The following MET variants were observed in gnomAD, a reference collection of about 807,000 sequenced individuals.
MET encodes MET proto-oncogene, receptor tyrosine kinase, also known as hepatocyte growth factor receptor.
In MET, 48 loss-of-function variants were observed where a neutral mutation model predicts 133.1. That is an observed-to-expected ratio of 0.36 (90% CI 0.29 to 0.46). The LOEUF (loss-of-function observed/expected upper bound fraction) is 0.46, where lower values mean the gene tolerates loss of function less well. MET is among the 20% of genes least tolerant of loss of function. The pLI, the probability that MET is intolerant of heterozygous loss-of-function variation, is 1.00. For synonymous variants in MET, 628 were observed against 616.5 expected, an observed-to-expected ratio of 1.02 and a Z score of -0.28; for missense variants, 1,442 against 1,695.9, an observed-to-expected ratio of 0.85 and a Z score of 2.63.
chr7:116,707,023 C>T (rs554314432), intron 2 of MET, among the ~76,000 whole-genome samples: 3 of 151,530 alleles, frequency 2.0e-5, no homozygotes, highest in Admixed American at 1.3e-4. Context: ...GAATTACTTG[C>T]TGAGCCATGT....
chr7:116,758,370 G>T (rs2116928749), intron 8 of MET, 89 bp from the exon 9 acceptor site: 1 of 1,351,952 alleles, frequency 7.4e-7, no homozygotes. Context: ...AGGAACCATT[G>T]AGTTATATCC....
chr7:116,704,463 G>A (rs2116627809), intron 2 of MET, among the ~76,000 whole-genome samples: 1 of 152,132 alleles, frequency 6.6e-6, no homozygotes, highest in Admixed American at 6.5e-5. Context: ...AAAATAAATA[G>A]CAGCTATTAT....
chr7:116,744,267 A>T (rs1793572934), intron 5 of MET, among the ~76,000 whole-genome samples: 1 of 152,228 alleles, frequency 6.6e-6, no homozygotes, highest in Non-Finnish European at 1.5e-5. Flanking sequence ...GTTCTAACCC[A>T]ATGCAAGGAA....
intron 1 of MET, among the ~76,000 whole-genome samples, chr7:116,690,132 C>T (rs972854379): frequency 6.6e-6 from 1 of 152,118 alleles, no homozygotes; most frequent in African/African-American, 2.4e-5. Flanking sequence ...CCAACTTCCT[C>T]ATTTTTTATG....
intron 1 of MET, among the ~76,000 whole-genome samples, chr7:116,675,752 CTCTT>C (rs769993835): frequency 1.1e-4 from 15 of 138,114 alleles, no homozygotes; most frequent in Non-Finnish European, 2.0e-4. Context: ...AGTTCTCTCT[CTCTT>C]TTTTTTTTTT....
At chr7:116,740,187 A>G (rs894655844) in intron 4 of MET, 103 bp downstream of exon 4, 1 of 1,296,704 alleles carries the variant, frequency 7.7e-7, no homozygotes, top group African/African-American at 1.5e-5. Flanking sequence ...TTCATCTTAA[A>G]TTTACCCCTC....
chr7:116,676,292 C>G (rs1796157593), intron 1 of MET, among the ~76,000 whole-genome samples: 1 of 152,150 alleles, frequency 6.6e-6, no homozygotes, highest in African/African-American at 2.4e-5. Context: ...GAAAATGTAT[C>G]TCTCCTAATA....
intron 5 of MET, among the ~76,000 whole-genome samples, chr7:116,747,851 T>A (rs1230481832): frequency 6.6e-6 from 1 of 152,174 alleles, no homozygotes; most frequent in Non-Finnish European, 1.5e-5. Context: ...TAGCACTTAT[T>A]CTAAAATTGG....
intron 5 of MET, among the ~76,000 whole-genome samples, chr7:116,754,815 T>C (rs1022226566): frequency 1.4e-5 from 2 of 139,286 alleles, no homozygotes; most frequent in African/African-American, 5.4e-5. Context: ...AGACTCTGTC[T>C]GAAAAAGAAA....
At chr7:116,706,184 C>G (rs868098829) in intron 2 of MET, among the ~76,000 whole-genome samples, 1 of 152,116 alleles carries the variant, frequency 6.6e-6, no homozygotes, top group Non-Finnish European at 1.5e-5. Flanking sequence ...GATAATATCT[C>G]TCACTTGTGT....
At position 116,739,818 on chromosome 7, in the gene MET, G is replaced by C. The variant is rs535728274; in HGVS notation, c.1393-132G>C. On this transcript the variant is annotated intron_variant, in intron 3 of 20. Transcript: ENST00000397752. The stretch of plus-strand genomic sequence containing the variant: ...ATGACATATTGATTTACAATGAGGG[G>C]AACTGTTGGGTCTTCAGTTCAAACA... 6.5e-4 allele frequency: 809 copies of C among 1,238,850 alleles called. 3 individuals are homozygous for C. Among genetic ancestry groups the C allele is most frequent in the South Asian group, 1.5e-3 (120 of 81,950 alleles). 76.7% of individuals were successfully genotyped at this position (1,238,850 alleles called of 1,614,324 possible).
At chr7:116,759,303 G>T in intron 9 of MET, 88 bp from the exon 10 acceptor site, 1 of 1,552,824 alleles carries the variant, frequency 6.4e-7, no homozygotes. Context: ...CCTGTAATCA[G>T]TGCAGGTGAT....
At chr7:116,791,619 G>A (rs1795498630) in intron 19 of MET, among the ~76,000 whole-genome samples, 1 of 151,948 alleles carries the variant, frequency 6.6e-6, no homozygotes. Context: ...CGAGTTCTCT[G>A]TATATTGTGG....
Position 116,778,834 on chromosome 7 carries a change from T to C in MET, c.3399T>C (p.Asp1133=), listed in dbSNP as rs2117046045. The C allele has an allele frequency of 1.9e-6, 3 of 1,614,040 alleles. No individual in the cohort carries two copies. Among genetic ancestry groups the C allele is most frequent in the Non-Finnish European group, 2.5e-6 (3 of 1,179,962 alleles). The change falls in exon 17 of 21, where the codon GAT becomes GAC. Residue 1133 remains aspartate (D), a synonymous_variant. Transcript: ENST00000397752. The part of the protein sequence containing the change: ...QFLTEGIIMK[D]FSHPNVLSLL... ...TGACCGAGGGAATCATCATGAAAGA[T>C]TTTAGTCATCCCAATGTCCTCTCGC...
chr7:116,776,743 G>A (rs1795004347), intron 15 of MET, among the ~76,000 whole-genome samples: 1 of 152,170 alleles, frequency 6.6e-6, no homozygotes, highest in African/African-American at 2.4e-5. Flanking sequence ...GGAAATTACT[G>A]CCACTGGATA....
intron 6 of MET, among the ~76,000 whole-genome samples, chr7:116,756,477 C>A (rs1303752575): frequency 6.6e-6 from 1 of 152,124 alleles, no homozygotes; most frequent in Non-Finnish European, 1.5e-5. Context: ...AATGGCAAAA[C>A]AAATTTTTTC....
intron 10 of MET, among the ~76,000 whole-genome samples, chr7:116,761,465 C>T (rs1794395728): frequency 6.6e-6 from 1 of 152,032 alleles, no homozygotes; most frequent in Non-Finnish European, 1.5e-5. Flanking sequence ...TGAATTGAAC[C>T]CATTTATTAT....
intron 10 of MET, 105 bp from the exon 11 acceptor site, chr7:116,762,945 C>A: frequency 1.0e-6 from 1 of 996,986 alleles, no homozygotes; most frequent in South Asian, 1.4e-5. Flanking sequence ...CAGATTTTTT[C>A]AAAAATTATA....
chr7:116,795,038 C>T (rs540932687), intron 19 of MET, among the ~76,000 whole-genome samples: 6 of 152,246 alleles, frequency 3.9e-5, no homozygotes, highest in East Asian at 1.9e-4. Context: ...AGTACTGATA[C>T]GGCTATTTTA....
Sources: gnomAD v4.1 joint callset for allele counts (sites outside exome capture counted in the v4.1 genomes callset) on GRCh38, gnomAD v4.1.1 for gene constraint, MANE v1.5 for transcripts, NCBI Gene and HGNC (gene_info 2026-07-23, HGNC 2026-07-21) for gene names.